Variants in APP observed in about 807,000 individuals in gnomAD.
APP encodes amyloid-beta precursor protein.
Under a neutral mutation model 101.4 loss-of-function variants are expected in APP, and 31 were observed. The ratio of observed to expected loss-of-function variants is 0.31; its 90% CI spans 0.23 to 0.41. APP has a LOEUF of 0.41. APP is among the 10% of genes least tolerant of loss of function. The pLI is 1.00. For missense variants in APP, 839 were observed against 1,003.7 expected (o/e 0.84, Z 2.22); for synonymous variants, 366 against 364.4 (o/e 1.00, Z -0.05).
At position 26,021,912 on chromosome 21, in the gene APP, C is replaced by T. The variant is rs754672142; in HGVS notation, c.793G>A (p.Ala265Thr). The T allele has an allele frequency of 6.8e-6, 11 of 1,613,216 alleles. No individual in the cohort carries two copies. Among genetic ancestry groups the T allele is most frequent in the Non-Finnish European group, 4.2e-6 (5 of 1,179,524 alleles). Residue 265 changes from alanine to threonine, a missense_variant, in exon 6 of 18, where the codon GCC becomes ACC. Transcript: ENST00000346798. Reference sequence around the variant, plus strand: ...GCAATGCTGGTGGTTCTCTCTGTGGCTTCTTCGTAGGGTTCCTCAGCCTCT... The same window carrying T: ...GCAATGCTGGTGGTTCTCTCTGTGGTTTCTTCGTAGGGTTCCTCAGCCTCT... ...EEEAEEPYEE[A>T]TERTTSIATT...
At chr21:26,137,009 C>T (rs1298248262) in intron 1 of APP, among the ~76,000 whole-genome samples, 1 of 151,894 alleles carries the variant, frequency 6.6e-6, no homozygotes, top group African/African-American at 2.4e-5. Context: ...CATCTCTGCT[C>T]ACTGCACCTA....
At chr21:26,139,360 G>A (rs997884140) in intron 1 of APP, among the ~76,000 whole-genome samples, 1 of 152,146 alleles carries the variant, frequency 6.6e-6, no homozygotes, top group African/African-American at 2.4e-5. Context: ...GTGAAGGATA[G>A]AAAGGGTTAT....
At chr21:25,905,595 G>A (rs2234982) in intron 14 of APP, among the ~76,000 whole-genome samples, 20,937 of 152,250 alleles carry the variant, frequency 0.14, 1,861 homozygotes, top group Non-Finnish European at 0.2. Context: ...CATTTAGTGA[G>A]TGAATCAAAT....
chr21:26,142,557 C>T (rs1423256704), intron 1 of APP, among the ~76,000 whole-genome samples: 1 of 152,046 alleles, frequency 6.6e-6, no homozygotes, highest in African/African-American at 2.4e-5. Flanking sequence ...TCGCCTGAGG[C>T]CAGGAGTTCA....
rs367941221 is a variant in APP, at chr21:25,991,834, T to C, written c.1090+5526A>G. ...CTAAAATATCTATAATCTGGCCTTGTATGAAAAATATTTGCTGACCACTTT... is the reference window on the plus strand; with the variant it reads ...CTAAAATATCTATAATCTGGCCTTGCATGAAAAATATTTGCTGACCACTTT... On this transcript the variant is annotated intron_variant, in intron 8 of 17. Coordinates refer to ENST00000346798, the MANE Select transcript of APP (RefSeq NM_000484.4). Among the ~76,000 whole-genome samples the C allele has an allele frequency of 2.6e-5, 4 of 152,376 alleles. No homozygotes were observed. In the East Asian group the frequency reaches 5.8e-4, roughly 22 times the overall value.
intron 2 of APP, among the ~76,000 whole-genome samples, chr21:26,110,499 AT>A (rs2062290915): frequency 6.6e-6 from 1 of 152,070 alleles, no homozygotes; most frequent in Non-Finnish European, 1.5e-5. Flanking sequence ...AGTATTAGTG[AT>A]TTCCACTATT....
chr21:25,987,845 A>G (rs564321632), intron 8 of APP, among the ~76,000 whole-genome samples: 1 of 152,224 alleles, frequency 6.6e-6, no homozygotes, highest in African/African-American at 2.4e-5. Context: ...TGTGAGGCAC[A>G]TGGGAGAAAC....
intron 1 of APP, among the ~76,000 whole-genome samples, chr21:26,146,177 A>C (rs2063150491): frequency 6.6e-6 from 1 of 152,226 alleles, no homozygotes; most frequent in Admixed American, 6.5e-5. Flanking sequence ...TCTACTAAAA[A>C]TACAAAAAAT....
intron 1 of APP, among the ~76,000 whole-genome samples, chr21:26,151,150 C>T (rs911401429): frequency 1.2e-4 from 18 of 152,158 alleles, no homozygotes; most frequent in African/African-American, 4.1e-4. Flanking sequence ...GGAAACTTGA[C>T]AGAATTAATG....
intron 3 of APP, among the ~76,000 whole-genome samples, chr21:26,073,196 G>C (rs1371934528): frequency 2.0e-5 from 3 of 151,990 alleles, no homozygotes; most frequent in Non-Finnish European, 4.4e-5. Flanking sequence ...CTGATATTTA[G>C]AATTTCTGAA....
At chr21:26,003,077 T>C (rs927714307) in intron 6 of APP, among the ~76,000 whole-genome samples, 13 of 152,250 alleles carry the variant, frequency 8.5e-5, no homozygotes, top group Non-Finnish European at 4.4e-5. Context: ...ATTAACATTT[T>C]CCTATACCAC....
At chr21:26,031,541 T>C (rs1374654082) in intron 5 of APP, among the ~76,000 whole-genome samples, 1 of 152,080 alleles carries the variant, frequency 6.6e-6, no homozygotes, top group Non-Finnish European at 1.5e-5. Flanking sequence ...TGAAAGGCAT[T>C]TCTTACATGG....
At chr21:26,123,132 A>C (rs1249890985) in intron 1 of APP, among the ~76,000 whole-genome samples, 1 of 152,218 alleles carries the variant, frequency 6.6e-6, no homozygotes, top group Non-Finnish European at 1.5e-5. Flanking sequence ...ATATTGCAGG[A>C]ACAGAACATG....
chr21:25,914,117 G>A (rs1394442048), intron 13 of APP, among the ~76,000 whole-genome samples: 1 of 151,924 alleles, frequency 6.6e-6, no homozygotes, highest in Non-Finnish European at 1.5e-5. Context: ...CTCCCTCCCA[G>A]TCACAGGCTT....
intron 7 of APP, 134 bp downstream of exon 7, chr21:25,999,881 G>A (rs1055567793): frequency 3.0e-6 from 3 of 1,008,074 alleles, no homozygotes; most frequent in East Asian, 5.2e-5. Context: ...AGCAATTAGA[G>A]AAGTGGACAG....
At chr21:26,141,809 A>T (rs1164132900) in intron 1 of APP, among the ~76,000 whole-genome samples, 1 of 152,236 alleles carries the variant, frequency 6.6e-6, no homozygotes, top group Non-Finnish European at 1.5e-5. Flanking sequence ...TTCAAAAAGA[A>T]ATAATATCAA....
intron 5 of APP, among the ~76,000 whole-genome samples, chr21:26,022,578 G>A (rs1235136607): frequency 1.3e-5 from 2 of 152,172 alleles, no homozygotes; most frequent in Admixed American, 6.5e-5. Flanking sequence ...AAACTGTTGG[G>A]GAGTGGGGAA....
intron 16 of APP, 110 bp downstream of exon 16, chr21:25,897,463 T>C (rs1267838335): frequency 7.8e-6 from 7 of 892,420 alleles, no homozygotes; most frequent in Non-Finnish European, 1.1e-5. Context: ...TAGGCAAGCA[T>C]TGTATTTTTA....
At chr21:26,023,373 T>TTAAAA (rs71327996) in intron 5 of APP, among the ~76,000 whole-genome samples, 6 of 109,820 alleles carry the variant, frequency 5.5e-5, no homozygotes, top group African/African-American at 2.1e-4. Flanking sequence ...CCAAAAAAAT[T>TTAAAA]AAAAAAAAAA....
Sources: allele counts gnomAD v4.1 joint callset (sites outside exome capture counted in the v4.1 genomes callset), GRCh38; gene constraint gnomAD v4.1.1; transcripts MANE v1.5; gene names NCBI Gene and HGNC (gene_info 2026-07-23, HGNC 2026-07-21).